The following SLC6A19 variants were observed in gnomAD, a reference collection of about 807,000 sequenced individuals.
SLC6A19 encodes the protein sodium-dependent neutral amino acid transporter B(0)AT1.
SLC6A19 carries 67 observed loss-of-function variants against 68.3 expected under a neutral mutation model. That is an observed-to-expected ratio of 0.98 (90% CI 0.81 to 1.20). The LOEUF (loss-of-function observed/expected upper bound fraction) is 1.20, where lower values mean the gene tolerates loss of function less well. Among genes scored for constraint, SLC6A19 ranks in the 50% most tolerant of loss-of-function variants. SLC6A19 has a pLI of 0.00. For synonymous variants in SLC6A19, 392 were observed against 374.9 expected, an observed-to-expected ratio of 1.05 and a Z score of -0.53; for missense variants, 813 against 851.6, an observed-to-expected ratio of 0.95 and a Z score of 0.56.
chr5:1,224,234 G>A lies in SLC6A19; in HGVS notation c.*2330G>A, dbSNP rs1307741569. On this transcript the variant is annotated 3_prime_UTR_variant, in exon 12 of 12. Coordinates refer to ENST00000304460, the MANE Select transcript of SLC6A19 (RefSeq NM_001003841.3). ...GGTGTACCCTGGTGTGCCTGCCATA[G>A]GACCCTGGGCGGGAGCTCCCATCTC... 6.6e-6 allele frequency: 1 copy of A among 152,302 alleles called. No individual in the cohort carries two copies. Among genetic ancestry groups the A allele is most frequent in the African/African-American group, 2.4e-5 (1 of 41,468 alleles). The allele number at this position is 152,302 out of a possible 1,614,324, so 9.4% of individuals were successfully genotyped here. A position where few individuals can be genotyped will look rare whatever the true frequency, so the allele number is the denominator to read the frequency against.
chr5:1,214,634 C>T lies in SLC6A19; in HGVS notation c.887+569C>T, dbSNP rs1476926140. Among the ~76,000 whole-genome samples the T allele has an allele frequency of 1.3e-5, 2 of 152,164 alleles. No individual in the cohort carries two copies. Among genetic ancestry groups the T allele is most frequent in the African/African-American group, 4.8e-5 (2 of 41,434 alleles). On this transcript the variant is annotated intron_variant, in intron 6 of 11. Transcript: ENST00000304460. The surrounding 1 kb of genome is among the most constrained non-coding windows in gnomAD (Gnocchi z 7.4). ...GACCTGGTGCATCAGGACCTGCCCTCAGTGACCTGTGGCTCTGCAGGTTGA... is the reference window on the plus strand; with the variant it reads ...GACCTGGTGCATCAGGACCTGCCCTTAGTGACCTGTGGCTCTGCAGGTTGA...
intron 10 of SLC6A19, among the ~76,000 whole-genome samples, chr5:1,219,888 G>A (rs72709431): frequency 0.043 from 6,489 of 152,288 alleles, 195 homozygotes; most frequent in Non-Finnish European, 0.066. Flanking sequence ...GCTGGGAGCC[G>A]GGAAGCCCAG....
At chr5:1,219,465 G>T (rs1330668496) in intron 9 of SLC6A19, 40 bp from the exon 10 acceptor site, 1 of 1,606,030 alleles carries the variant, frequency 6.2e-7, no homozygotes. Context: ...CGTGCGTGCA[G>T]CCCCTGGGCG....
At position 1,221,897 on chromosome 5, in the gene SLC6A19, A is replaced by C. The variant is rs754623595; in HGVS notation, c.1898A>C (p.Lys633Thr). 7.4e-6 allele frequency: 12 copies of C among 1,613,810 alleles called. No individual in the cohort carries two copies. The highest frequency in any genetic ancestry group is 1.0e-5 in the Non-Finnish European group (12 of 1,179,880). Reference sequence around the variant, plus strand: ...ACAGCCTCCATGAACGGGGACCTGAAGTACTGAGAAGGCCCATCCCACGGC... The same window carrying C: ...ACAGCCTCCATGAACGGGGACCTGACGTACTGAGAAGGCCCATCCCACGGC... ...LSTASMNGDL[K>T]Y The change falls in exon 12 of 12, where the codon AAG becomes ACG. Residue 633 changes from lysine (K) to threonine (T), a missense_variant. Physicochemically the swap from Lys to Thr is moderately conservative, Grantham distance 78. Transcript: ENST00000304460.
At position 1,217,334 on chromosome 5, in the gene SLC6A19, A is replaced by G. The variant is rs932927900; in HGVS notation, c.1173+389A>G. Among the ~76,000 whole-genome samples the G allele has an allele frequency of 1.0e-4, 16 of 152,392 alleles. No homozygotes were observed. The South Asian group carries it at 1.2e-3, about 12-fold the overall frequency. On this transcript the variant is annotated intron_variant, in intron 8 of 11. Coordinates refer to ENST00000304460, the MANE Select transcript of SLC6A19 (RefSeq NM_001003841.3). ...TTTTTGAACCTGTGAGGCCACCAGG[A>G]CAGGTTTTATTTTGGACTGGCGGGC...
At position 1,222,037 on chromosome 5, in the gene SLC6A19, T is replaced by A; in HGVS notation, c.*133T>A. 1 of 959,536 alleles carries A rather than the reference T, an allele frequency of 1.0e-6. No individual in the cohort carries two copies. The allele number at this position is 959,536 out of a possible 1,614,324, so 59.4% of individuals were successfully genotyped here. ...TATGCTCGTGTGTGAGTGTGTGTATTGTACACGCATGTGCCATGTGTGCAG... is the reference window on the plus strand; with the variant it reads ...TATGCTCGTGTGTGAGTGTGTGTATAGTACACGCATGTGCCATGTGTGCAG... On this transcript the variant is annotated 3_prime_UTR_variant, in exon 12 of 12. Coordinates refer to ENST00000304460, the MANE Select transcript of SLC6A19 (RefSeq NM_001003841.3).
At position 1,216,550 on chromosome 5, in the gene SLC6A19, G is replaced by A. The variant is rs533526936; in HGVS notation, c.888-8G>A. The A allele has an allele frequency of 4.4e-5, 71 of 1,614,050 alleles. No homozygotes were observed. The highest frequency in any genetic ancestry group is 4.2e-4 in the Admixed American group (25 of 60,034). On this transcript the variant is annotated splice_polypyrimidine_tract_variant and splice_region_variant and intron_variant, in intron 6 of 11. Coordinates refer to ENST00000304460, the MANE Select transcript of SLC6A19 (RefSeq NM_001003841.3). ...CGCCAGCCGCCATGACACTGGTCTC[G>A]TCTGCAGCAACAACTGCGAGAAGGA...
intron 7 of SLC6A19, 24 bp downstream of exon 7, chr5:1,216,710 G>C (rs761269740): frequency 8.1e-6 from 13 of 1,613,662 alleles, no homozygotes; most frequent in African/African-American, 1.3e-5. Flanking sequence ...CCACCATCCT[G>C]GTGCCTTGGG....
In SLC6A19 at chr5:1,222,022, TGTGA is replaced by T. The variant is rs543521474; in HGVS notation, c.*122_*125del. The T allele has an allele frequency of 3.3e-4, 370 of 1,110,590 alleles. No individual in the cohort carries two copies. The African/African-American group carries it at 3.5e-3, about 10-fold the overall frequency. The allele number at this position is 1,110,590 out of a possible 1,614,324, so 68.8% of individuals were successfully genotyped here. ...GTGTAAGCGTGAGTGTATGCTCGTG[TGTGA>T]GTGTGTGTATTGTACACGCATGTGC... On this transcript the variant is annotated 3_prime_UTR_variant, in exon 12 of 12. Coordinates refer to ENST00000304460, the MANE Select transcript of SLC6A19 (RefSeq NM_001003841.3).
chr5:1,210,808 C>CG (rs536568445), intron 3 of SLC6A19, among the ~76,000 whole-genome samples: 205 of 152,244 alleles, frequency 1.3e-3, no homozygotes, highest in Middle Eastern at 3.4e-3. Flanking sequence ...CGTGGGAGCC[C>CG]GGGGGGGCTG....
In SLC6A19 at chr5:1,221,296, A is replaced by G. The variant is rs934858364; in HGVS notation, c.1684A>G (p.Ile562Val). ...GGTCAGTCAGGAGCTGACCTACAGC[A>G]TCTGGGACCCTGGCTACGTAAGTGT... ...VEVSQELTYS[I>V]WDPGYEEFPK... The change falls in exon 11 of 12, where the codon ATC (isoleucine) becomes GTC (valine). Residue 562 changes from isoleucine to valine, a missense_variant. Coordinates refer to ENST00000304460, the MANE Select transcript of SLC6A19 (RefSeq NM_001003841.3). The G allele has an allele frequency of 1.4e-5, 22 of 1,613,852 alleles. No individual in the cohort carries two copies. Among genetic ancestry groups the G allele is most frequent in the Non-Finnish European group, 1.9e-5 (22 of 1,180,014 alleles).
intron 8 of SLC6A19, among the ~76,000 whole-genome samples, chr5:1,217,395 G>A (rs139939810): frequency 1.4e-4 from 22 of 152,378 alleles, no homozygotes; most frequent in East Asian, 1.2e-3. Context: ...GATACTCCAC[G>A]TAACGAGTGT....
rs751477341 is a variant in SLC6A19 at position 1,216,549 on chromosome 5, C to T, written c.888-9C>T. 15 of 1,613,928 alleles carry T rather than the reference C, an allele frequency of 9.3e-6. No individual in the cohort carries two copies. Among genetic ancestry groups the T allele is most frequent in the Admixed American group, 6.7e-5 (4 of 60,014 alleles). ...TCGCCAGCCGCCATGACACTGGTCT[C>T]GTCTGCAGCAACAACTGCGAGAAGG... On this transcript the variant is annotated splice_polypyrimidine_tract_variant and intron_variant, in intron 6 of 11. Coordinates refer to ENST00000304460, the MANE Select transcript of SLC6A19 (RefSeq NM_001003841.3).
rs187163093 is a variant in SLC6A19, at chr5:1,206,834, C to T, written c.203-1912C>T. 1.1e-3 allele frequency among the ~76,000 whole-genome samples: 173 copies of T among 152,292 alleles called. 5 individuals carry two copies. The highest frequency in any genetic ancestry group is 0.011 in the Admixed American group (173 of 15,304). ...AGCCACCACGGGACACAAAGGTGGC[C>T]CCCAGGAGACAGGACCCATGTCGGG... On this transcript the variant is annotated intron_variant, in intron 1 of 11. Transcript: ENST00000304460.
intron 3 of SLC6A19, among the ~76,000 whole-genome samples, chr5:1,211,736 G>C (rs1334208544): frequency 6.6e-6 from 1 of 151,324 alleles, no homozygotes; most frequent in East Asian, 2.0e-4. Flanking sequence ...ATGCACGTGA[G>C]AGTACAGTCA....
chr5:1,216,479 G>A (rs989978711), intron 6 of SLC6A19, 79 bp from the exon 7 acceptor site: 24 of 1,603,968 alleles, frequency 1.5e-5, no homozygotes, highest in East Asian at 4.5e-5. Context: ...CGCTCTGGGC[G>A]GGATGCGGAT....
intron 1 of SLC6A19, among the ~76,000 whole-genome samples, chr5:1,202,290 G>C (rs1263064096): frequency 2.0e-5 from 3 of 152,244 alleles, no homozygotes; most frequent in African/African-American, 7.2e-5. Context: ...GTTGGGGGCA[G>C]GTGACCCTAG....
chr5:1,204,075 T>C lies in SLC6A19; in HGVS notation c.202+2223T>C, dbSNP rs73032853. 4.2e-3 allele frequency among the ~76,000 whole-genome samples: 636 copies of C among 152,288 alleles called. 4 individuals are homozygous for C. The highest frequency in any genetic ancestry group is 0.014 in the African/African-American group (594 of 41,560). Reference sequence around the variant, plus strand: ...ATCTTAGTGAGGGCCCCAGCATGCATGCCTTGTCAGTGACACCAGATTTCC... The same window carrying C: ...ATCTTAGTGAGGGCCCCAGCATGCACGCCTTGTCAGTGACACCAGATTTCC... On this transcript the variant is annotated intron_variant, in intron 1 of 11. Transcript: ENST00000304460.
Position 1,212,431 on chromosome 5 carries a change from G to A in SLC6A19, c.610G>A (p.Ala204Thr), listed in dbSNP as rs377603594. Residue 204 changes from alanine to threonine, a missense_variant, in exon 4 of 12, where the codon GCA becomes ACA. Coordinates refer to ENST00000304460, the MANE Select transcript of SLC6A19 (RefSeq NM_001003841.3). The surrounding 1 kb of genome is among the most constrained non-coding windows in gnomAD (Gnocchi z 5.1). ...QWWMLLCLAC[A>T]WSVLYMCTIR... is the part of the protein sequence containing the mutation. ...GTGGATGCTGCTGTGCCTGGCCTGC[G>A]CATGGAGCGTCCTGTACATGTGCAC... 7.4e-6 allele frequency: 12 copies of A among 1,611,768 alleles called. No individual in the cohort carries two copies. Among genetic ancestry groups the A allele is most frequent in the Admixed American group, 3.3e-5 (2 of 60,010 alleles).
Sources: allele counts gnomAD v4.1 joint callset (sites outside exome capture counted in the v4.1 genomes callset), GRCh38; gene constraint gnomAD v4.1.1; non-coding constraint Gnocchi (gnomAD v3.1); transcripts MANE v1.5; gene names NCBI Gene and HGNC (gene_info 2026-07-23, HGNC 2026-07-21).